UNC13A: variants seen among roughly 807,000 people sequenced by gnomAD.
UNC13A encodes unc-13 homolog A, also known as protein unc-13 homolog A.
Under a neutral mutation model 219.7 loss-of-function variants are expected in UNC13A, and 61 were observed. The ratio of observed to expected loss-of-function variants is 0.28; its 90% confidence interval spans 0.23 to 0.34. The LOEUF (loss-of-function observed/expected upper bound fraction) is 0.34. Ranked by LOEUF, UNC13A falls within the 10% of genes least tolerant of loss-of-function variation. The probability of loss-of-function intolerance (pLI) is 1.00; values close to 1 mark genes in which losing one functional copy is unlikely to be tolerated. For synonymous variants in UNC13A, 920 were observed against 884.6 expected (o/e 1.04, Z -0.71); for missense variants, 1,476 against 2,270.3 (o/e 0.65, Z 7.11).
At chr19:17,665,061 G>A (rs1187749047) in intron 7 of UNC13A, among the ~76,000 whole-genome samples, 2 of 152,106 alleles carry the variant, frequency 1.3e-5, no homozygotes, top group Non-Finnish European at 2.9e-5. Context: ...TTAGCTGGGC[G>A]TGGTGGCATG....
In UNC13A at chr19:17,688,238, G is replaced by T. The variant is rs1291488571; in HGVS notation, c.-39C>A. 2 of 1,464,432 alleles carry T rather than the reference G, an allele frequency of 1.4e-6. No individual in the cohort carries two copies. Among genetic ancestry groups the T allele is most frequent in the Non-Finnish European group, 9.0e-7 (1 of 1,107,530 alleles). 90.7% of individuals were successfully genotyped at this position (1,464,432 alleles called of 1,614,324 possible). ...CAGGTGGGCCGGAGGCGGCCGGGCC[G>T]GCTCTGTCGGGTCGGGCTCAGCGGC... On this transcript the variant is annotated 5_prime_UTR_variant, in exon 1 of 44. Coordinates refer to ENST00000519716, the MANE Select transcript of UNC13A (RefSeq NM_001080421.3).
In UNC13A at chr19:17,674,154, G is replaced by A. The variant is rs1365827583; in HGVS notation, c.152+503C>T. Reference sequence around the variant, plus strand: ...AGACCTGAAGGAGAAGAGCCAGCTGGGGACAGGAGAGCAAGTGCAAGGGCC... The same window carrying A: ...AGACCTGAAGGAGAAGAGCCAGCTGAGGACAGGAGAGCAAGTGCAAGGGCC... On this transcript the variant is annotated intron_variant, in intron 3 of 43. Coordinates refer to ENST00000519716, the MANE Select transcript of UNC13A (RefSeq NM_001080421.3). This position sits in a 1 kb window ranked among gnomAD's most constrained non-coding sequence, Gnocchi z 5.0. 1.3e-5 allele frequency among the ~76,000 whole-genome samples: 2 copies of A among 151,942 alleles called. No homozygotes were observed. The highest frequency in any genetic ancestry group is 2.0e-4 in the East Asian group (1 of 5,114).
Position 17,626,699 on chromosome 19 carries a change from G to T in UNC13A, c.4007C>A (p.Ala1336Asp). 1 of 1,602,814 alleles carries T rather than the reference G, an allele frequency of 6.2e-7. No homozygotes were observed. The highest frequency in any genetic ancestry group is 8.5e-7 in the Non-Finnish European group (1 of 1,174,942). Reference sequence around the variant, plus strand: ...CGCGTCCTGGGCCACGCTGCTGCAGGCACTGGCTGGCACATTGCCTGTGCC... The same window carrying T: ...CGCGTCCTGGGCCACGCTGCTGCAGTCACTGGCTGGCACATTGCCTGTGCC... Reference protein sequence around the residue: ...VKGTGNVPASACSSVAQDADN... With the variant: ...VKGTGNVPASDCSSVAQDADN... Residue 1336 changes from alanine (A) to aspartate (D), a missense_variant, in exon 34 of 44, where the codon GCC (alanine) becomes GAC (aspartate). This residue lies in a region of UNC13A where 218 missense variants were observed against 409.4 expected (regional missense o/e 0.53). Transcript: ENST00000519716.
At chr19:17,647,889 A>C (rs1321942252) in intron 16 of UNC13A, among the ~76,000 whole-genome samples, 24 of 77,648 alleles carry the variant, frequency 3.1e-4, no homozygotes, top group South Asian at 5.1e-4. Flanking sequence ...TCTGAGCCCC[A>C]CTCCTCTGAA....
At chr19:17,668,827 G>A (rs764205875) in intron 5 of UNC13A, among the ~76,000 whole-genome samples, 2 of 151,008 alleles carry the variant, frequency 1.3e-5, no homozygotes, top group Admixed American at 6.6e-5. Context: ...ACAGGGTCTC[G>A]CTCTGTCACC....
chr19:17,645,930 G>C, intron 18 of UNC13A, 40 bp downstream of exon 18: 2 of 1,605,744 alleles, frequency 1.2e-6, no homozygotes, highest in Non-Finnish European at 1.7e-6. Flanking sequence ...GCCCCAGCAG[G>C]ATGCCCCACA....
At chr19:17,675,987 C>T (rs1245829692) in intron 2 of UNC13A, 25 bp downstream of exon 2, 7 of 1,550,914 alleles carry the variant, frequency 4.5e-6, no homozygotes, top group Middle Eastern at 1.8e-4. Flanking sequence ...CAACACGGGA[C>T]AGGACAGCAA....
At chr19:17,680,566 AG>A (rs1412196417) in intron 1 of UNC13A, among the ~76,000 whole-genome samples, 1 of 152,130 alleles carries the variant, frequency 6.6e-6, no homozygotes, top group Non-Finnish European at 1.5e-5. Flanking sequence ...AGGCTGAGGC[AG>A]GAGTTCAGGC....
At position 17,669,814 on chromosome 19, in the gene UNC13A, TCCTTCCTTCCTTC is replaced by T. The variant is rs1334638104; in HGVS notation, c.271-151_271-139del. The T allele has an allele frequency of 2.3e-4, 221 of 973,064 alleles. No individual in the cohort carries two copies. The African/African-American group carries it at 2.9e-3, about 13-fold the overall frequency. The allele number at this position is 973,064 out of a possible 1,614,324, so 60.3% of individuals were successfully genotyped here. On this transcript the variant is annotated intron_variant, in intron 4 of 43. Transcript: ENST00000519716. ...TGTCCCCTCTCTATCTTTCCTTCCG[TCCTTCCTTCCTTC>T]CCTTCCTTCCTTCCCTCCCTCCCTC...
intron 1 of UNC13A, among the ~76,000 whole-genome samples, chr19:17,678,721 C>T (rs1352308667): frequency 1.3e-5 from 2 of 151,948 alleles, no homozygotes; most frequent in Non-Finnish European, 2.9e-5. Context: ...GGGCCTGGCT[C>T]CTGGAGGAGG....
rs1255951675 is a variant in UNC13A, at chr19:17,649,738, A to G, written c.1440-151T>C. On this transcript the variant is annotated intron_variant, in intron 12 of 43. Coordinates refer to ENST00000519716, the MANE Select transcript of UNC13A (RefSeq NM_001080421.3). This position sits in a 1 kb window ranked among gnomAD's most constrained non-coding sequence, Gnocchi z 4.4. ...CTGATGCCCTAACCCCCACTACCTC[A>G]GAAGGTGACCTTACTTGGAAACGGG... Among the ~76,000 whole-genome samples the G allele has an allele frequency of 6.6e-6, 1 of 152,162 alleles. No homozygotes were observed. Among genetic ancestry groups the G allele is most frequent in the African/African-American group, 2.4e-5 (1 of 41,446 alleles).
intron 1 of UNC13A, 60 bp downstream of exon 1, chr19:17,688,118 C>CG: frequency 6.6e-7 from 1 of 1,509,882 alleles, no homozygotes; most frequent in South Asian, 1.2e-5. Flanking sequence ...CGCATCCACG[C>CG]GGACCCCGAC....
At chr19:17,616,339 C>G (rs532941404) in intron 41 of UNC13A, 11 of 669,826 alleles carry the variant, frequency 1.6e-5, no homozygotes, top group East Asian at 1.4e-4. Context: ...CTTTTACTAG[C>G]CGGGGCCAGG....
chr19:17,675,446 A>G (rs909184409), intron 2 of UNC13A, among the ~76,000 whole-genome samples: 1 of 151,830 alleles, frequency 6.6e-6, no homozygotes, highest in Admixed American at 6.6e-5. Flanking sequence ...AGCCTGGCCA[A>G]CATGGCGAAA....
In UNC13A at chr19:17,647,346, C is replaced by A. The variant is rs1341338100; in HGVS notation, c.1963G>T (p.Ala655Ser). The A allele has an allele frequency of 6.2e-7, 1 of 1,613,184 alleles. No individual in the cohort carries two copies. The highest frequency in any genetic ancestry group is 1.7e-5 in the Admixed American group (1 of 59,924). ...ACCGCCTTCATCTGCTGCGTGTGCG[C>A]CGTCTTGGTCACCGCGAAGATCTCC... Reference protein sequence around the residue: ...IQEIFAVTKTAHTQQMKAVKQ... With the variant: ...IQEIFAVTKTSHTQQMKAVKQ... The change falls in exon 17 of 44, where the codon GCG (alanine) becomes TCG (serine). Residue 655 changes from alanine (A) to serine (S), a missense_variant. Coordinates refer to ENST00000519716, the MANE Select transcript of UNC13A (RefSeq NM_001080421.3).
At chr19:17,624,613 G>A (rs145223517) in intron 35 of UNC13A, among the ~76,000 whole-genome samples, 2 of 152,018 alleles carry the variant, frequency 1.3e-5, no homozygotes, top group East Asian at 1.9e-4. Context: ...TTAACTCTTC[G>A]ATGATCTTTA....
At chr19:17,660,505 G>GT (rs1360244085) in intron 8 of UNC13A, among the ~76,000 whole-genome samples, 2 of 143,802 alleles carry the variant, frequency 1.4e-5, no homozygotes, top group African/African-American at 5.2e-5. Flanking sequence ...CTGCATTGGT[G>GT]TTTTGTTTTG....
intron 12 of UNC13A, 148 bp downstream of exon 12, chr19:17,652,483 T>C: frequency 1.1e-6 from 1 of 923,424 alleles, no homozygotes; most frequent in Middle Eastern, 2.2e-4. Flanking sequence ...GTGTGCCTTA[T>C]GAAAGTGACG....
chr19:17,611,699 A>G, intron 42 of UNC13A, 64 bp downstream of exon 42: 1 of 1,461,122 alleles, frequency 6.8e-7, no homozygotes, highest in East Asian at 2.3e-5. Flanking sequence ...GTGTTGCTTA[A>G]GCCAGTTTGA....
Sources: allele counts gnomAD v4.1 joint callset (sites outside exome capture counted in the v4.1 genomes callset), GRCh38; gene constraint gnomAD v4.1.1; regional missense constraint gnomAD v4.1.1; non-coding constraint Gnocchi (gnomAD v3.1); transcripts MANE v1.5; gene names NCBI Gene and HGNC (gene_info 2026-07-23, HGNC 2026-07-21).